Variants in GRM7 observed in about 807,000 individuals in gnomAD.
The protein encoded by GRM7 is glutamate metabotropic receptor 7.
In GRM7, 35 loss-of-function variants were observed where a neutral mutation model predicts 84.5. That is an observed-to-expected ratio of 0.41 (90% CI 0.32 to 0.55). The LOEUF is 0.55. Among genes scored for constraint, GRM7 ranks in the 20% least tolerant of loss-of-function variants. GRM7 has a pLI of 0.19. For synonymous variants in GRM7, 487 were observed against 455.1 expected (o/e 1.07, Z -0.89); for missense variants, 1,003 against 1,194.6 (o/e 0.84, Z 2.36).
At chr3:7,038,537 A>G (rs1696469261) in intron 1 of GRM7, among the ~76,000 whole-genome samples, 1 of 152,204 alleles carries the variant, frequency 6.6e-6, no homozygotes, top group African/African-American at 2.4e-5. Context: ...TAAGGAAGAA[A>G]GAGCTAGGAA....
intron 9 of GRM7, among the ~76,000 whole-genome samples, chr3:7,722,468 A>G (rs1180357370): frequency 1.4e-5 from 2 of 144,720 alleles, no homozygotes; most frequent in Non-Finnish European, 3.0e-5. Context: ...TTTTTTTGAG[A>G]CAGTCTTGCT....
chr3:7,455,251 G>A (rs1697956398), intron 6 of GRM7, among the ~76,000 whole-genome samples: 2 of 152,140 alleles, frequency 1.3e-5, no homozygotes, highest in South Asian at 4.1e-4. Context: ...GAAATACAAA[G>A]TCGCCCTTTT....
intron 9 of GRM7, among the ~76,000 whole-genome samples, chr3:7,728,190 G>C (rs1702196816): frequency 6.6e-6 from 1 of 152,140 alleles, no homozygotes; most frequent in Non-Finnish European, 1.5e-5. Flanking sequence ...TTCATAAGAG[G>C]ACATTGTTCC....
At chr3:6,897,906 G>T (rs911225637) in intron 1 of GRM7, among the ~76,000 whole-genome samples, 5 of 152,156 alleles carry the variant, frequency 3.3e-5, no homozygotes, top group African/African-American at 9.6e-5. Context: ...TGGAGAGTGG[G>T]GGCCTCCCCA....
chr3:7,049,751 A>G (rs955291943), intron 1 of GRM7, among the ~76,000 whole-genome samples: 4 of 151,892 alleles, frequency 2.6e-5, no homozygotes, highest in Non-Finnish European at 4.4e-5. Flanking sequence ...TTCAGAATGT[A>G]TTTGAGCTGA....
chr3:6,935,137 T>G (rs1421694595), intron 1 of GRM7, among the ~76,000 whole-genome samples: 1 of 152,188 alleles, frequency 6.6e-6, no homozygotes, highest in Non-Finnish European at 1.5e-5. Flanking sequence ...GTTATGTCCT[T>G]AGTTAGAGGG....
At chr3:7,158,040 C>T (rs751337380) in intron 2 of GRM7, among the ~76,000 whole-genome samples, 13 of 152,114 alleles carry the variant, frequency 8.5e-5, no homozygotes, top group Non-Finnish European at 1.8e-4. Flanking sequence ...GAAAGAAAAG[C>T]TTTTAGCAAA....
intron 2 of GRM7, among the ~76,000 whole-genome samples, chr3:7,252,926 G>A (rs111971730): frequency 0.066 from 9,596 of 146,312 alleles, 1,036 homozygotes; most frequent in African/African-American, 0.23. Context: ...TCTTGACCTC[G>A]TGATCCACCT....
intron 1 of GRM7, among the ~76,000 whole-genome samples, chr3:7,030,759 T>C (rs540691084): frequency 6.6e-6 from 1 of 152,372 alleles, no homozygotes; most frequent in African/African-American, 2.4e-5. Context: ...TGCAGTCGTA[T>C]TGAAATTTAA....
chr3:7,376,115 GT>G (rs1332768603), intron 4 of GRM7, among the ~76,000 whole-genome samples: 4 of 152,150 alleles, frequency 2.6e-5, no homozygotes, highest in Non-Finnish European at 5.9e-5. Context: ...AAGTGGCGAT[GT>G]TTTAATTAAA....
intron 7 of GRM7, among the ~76,000 whole-genome samples, chr3:7,474,440 C>CA (rs35884021): frequency 0.013 from 1,813 of 140,094 alleles, 21 homozygotes; most frequent in African/African-American, 0.032. Flanking sequence ...TAGCTTTTCT[C>CA]AAAAAAAAAA....
intron 4 of GRM7, among the ~76,000 whole-genome samples, chr3:7,404,130 G>A (rs747753131): frequency 3.9e-5 from 6 of 152,102 alleles, no homozygotes; most frequent in Admixed American, 3.9e-4. Context: ...GTAGACCAGG[G>A]TGTAAACTGT....
At chr3:7,591,790 G>A (rs1695793000) in intron 8 of GRM7, among the ~76,000 whole-genome samples, 1 of 151,846 alleles carries the variant, frequency 6.6e-6, no homozygotes, top group Admixed American at 6.6e-5. Flanking sequence ...CTCTAAATAG[G>A]GACTGATATC....
chr3:7,114,118 A>C (rs1692951364), intron 1 of GRM7, among the ~76,000 whole-genome samples: 2 of 152,172 alleles, frequency 1.3e-5, no homozygotes, highest in Admixed American at 1.3e-4. Context: ...GACTTAATGG[A>C]GATAAAGCTT....
chr3:7,325,497 C>T (rs1354717736), intron 4 of GRM7, among the ~76,000 whole-genome samples: 1 of 152,102 alleles, frequency 6.6e-6, no homozygotes, highest in Non-Finnish European at 1.5e-5. Flanking sequence ...GCTGATGCAG[C>T]TGGCTCAGCT....
At chr3:6,979,512 A>G (rs1234034977) in intron 1 of GRM7, among the ~76,000 whole-genome samples, 2 of 152,060 alleles carry the variant, frequency 1.3e-5, no homozygotes, top group East Asian at 1.9e-4. Flanking sequence ...ATCTGTGAGG[A>G]TCTCAGTGAT....
chr3:6,905,272 T>A (rs2125009833), intron 1 of GRM7, among the ~76,000 whole-genome samples: 1 of 152,328 alleles, frequency 6.6e-6, no homozygotes, highest in African/African-American at 2.4e-5. Context: ...CATGTGTCCT[T>A]TCATACAGAG....
At chr3:7,295,071 A>C (rs900257982) in intron 2 of GRM7, among the ~76,000 whole-genome samples, 2 of 152,180 alleles carry the variant, frequency 1.3e-5, no homozygotes, top group Non-Finnish European at 2.9e-5. Context: ...ATATTCAAAA[A>C]CTCATTGCCA....
chr3:7,380,723 A>C (rs867101867), intron 4 of GRM7, among the ~76,000 whole-genome samples: 8 of 152,210 alleles, frequency 5.3e-5, no homozygotes, highest in South Asian at 4.1e-4. Context: ...ACTATCCTGA[A>C]GGTAGCAAAG....
Sources: allele counts gnomAD v4.1 joint callset (sites outside exome capture counted in the v4.1 genomes callset), GRCh38; gene constraint gnomAD v4.1.1; transcripts MANE v1.5; gene names NCBI Gene and HGNC (gene_info 2026-07-23, HGNC 2026-07-21).